Variants in USP5 observed in about 807,000 individuals in gnomAD.
USP5 encodes ubiquitin carboxyl-terminal hydrolase 5.
A neutral mutation model predicts 102.5 loss-of-function variants in USP5; 24 were observed. The ratio of observed to expected loss-of-function variants is 0.23; its 90% CI spans 0.17 to 0.33. The LOEUF (loss-of-function observed/expected upper bound fraction) is 0.33, where lower values mean the gene tolerates loss of function less well. USP5 is among the 10% of genes least tolerant of loss of function. The pLI, the probability that USP5 is intolerant of heterozygous loss-of-function variation, is 1.00. For missense variants in USP5, 753 were observed against 1,122.1 expected (o/e 0.67, Z 4.70); for synonymous variants, 460 against 434.8 (o/e 1.06, Z -0.72).
At chr12:6,857,355 C>T (rs1006693857) in intron 6 of USP5, 6 of 420,736 alleles carry the variant, frequency 1.4e-5, no homozygotes, top group Non-Finnish European at 2.1e-5. Context: ...ATCCTCATCC[C>T]TTTCCTACCA....
rs370315542 is a variant in USP5 at position 6,864,839 on chromosome 12, G to C, written c.2362G>C (p.Val788Leu). The change falls in exon 18 of 20, where the codon GTG (valine) becomes CTG (leucine). Residue 788 changes from valine to leucine, a missense_variant. Val to Leu is a conservative substitution (Grantham distance 32, BLOSUM62 1). Transcript: ENST00000229268. This position sits in a 1 kb window ranked among gnomAD's most constrained non-coding sequence, Gnocchi z 4.8. ...RSAADSISES[V>L]PVGPKVRDGP... ...AGCTGCCGACTCCATCTCTGAGTCT[G>C]TGCCAGTGGGACCTAAAGTCCGGGA... 25 of 1,613,818 alleles carry C rather than the reference G, an allele frequency of 1.5e-5. No homozygotes were observed. The African/African-American group carries it at 3.1e-4, about 20-fold the overall frequency.
rs1944384586 is a variant in USP5, at chr12:6,864,799, C to G, written c.2322C>G (p.Ile774Met). Residue 774 changes from isoleucine to methionine, a missense_variant, in exon 18 of 20, where the codon ATC (isoleucine) becomes ATG (methionine). Around this residue, in one of 3 missense-constraint regions of USP5, gnomAD observed 193 missense variants for 230.2 expected, o/e 0.84. Transcript: ENST00000229268. The surrounding 1 kb of genome is among the most constrained non-coding windows in gnomAD (Gnocchi z 4.8). ...TGGATGCTGAAGCTGCCATGGACAT[C>G]TCAGAGGGCCGCTCAGCTGCCGACT... ...DDLDAEAAMD[I>M]SEGRSAADSI... 6.2e-7 allele frequency: 1 copy of G among 1,613,958 alleles called. No homozygotes were observed. Among genetic ancestry groups the G allele is most frequent in the Non-Finnish European group, 8.5e-7 (1 of 1,180,032 alleles).
chr12:6,865,059 C>G (rs1359815715), intron 18 of USP5, 105 bp from the exon 19 acceptor site: 1 of 1,294,952 alleles, frequency 7.7e-7, no homozygotes, highest in African/African-American at 1.5e-5. Flanking sequence ...GCCTCACATT[C>G]CCTGAAACTC....
chr12:6,861,181 G>T lies in USP5; in HGVS notation c.1498+75G>T. Reference sequence around the variant, plus strand: ...AGGAGGAATGCTTGGGCACCTCATGGGAGCACAGCCCAGGGAATGCCCTGC... The same window carrying T: ...AGGAGGAATGCTTGGGCACCTCATGTGAGCACAGCCCAGGGAATGCCCTGC... On this transcript the variant is annotated intron_variant, in intron 12 of 19. Coordinates refer to ENST00000229268, the MANE Select transcript of USP5 (RefSeq NM_001098536.2). This position sits in a 1 kb window ranked among gnomAD's most constrained non-coding sequence, Gnocchi z 4.9. 6.3e-7 allele frequency: 1 copy of T among 1,583,000 alleles called. No homozygotes were observed.
chr12:6,862,531 G>A lies in USP5; in HGVS notation c.1735G>A (p.Gly579Ser), dbSNP rs1555129796. Residue 579 changes from glycine to serine, a missense_variant, in exon 14 of 20, where the codon GGC becomes AGC. By Grantham distance (56) the Gly-to-Ser change is moderately conservative. Transcript: ENST00000229268. ...CATCCAGATCAAGAAGTTCACCTTC[G>A]GCTTAGACTGGGTGCCCAAGAAACT... Reference protein sequence around the residue: ...LVIQIKKFTFGLDWVPKKLDV... With the variant: ...LVIQIKKFTFSLDWVPKKLDV... The A allele has an allele frequency of 1.2e-6, 2 of 1,614,110 alleles. No individual in the cohort carries two copies. Among genetic ancestry groups the A allele is most frequent in the Non-Finnish European group, 8.5e-7 (1 of 1,180,006 alleles).
At position 6,863,109 on chromosome 12, in the gene USP5, G is replaced by A. The variant is rs909594661; in HGVS notation, c.1763-77G>A. 2 of 1,437,934 alleles carry A rather than the reference G, an allele frequency of 1.4e-6. No homozygotes were observed. Among genetic ancestry groups the A allele is most frequent in the East Asian group, 2.3e-5 (1 of 42,952 alleles). The allele number at this position is 1,437,934 out of a possible 1,614,324, so 89.1% of individuals were successfully genotyped here. On this transcript the variant is annotated intron_variant, in intron 14 of 19. Coordinates refer to ENST00000229268, the MANE Select transcript of USP5 (RefSeq NM_001098536.2). The surrounding 1 kb of genome is among the most constrained non-coding windows in gnomAD (Gnocchi z 4.7). ...TCTTTACAGAGCAGTTCTGACATAG[G>A]GGGCAGGGGATTGAGGTTCCCGAAT...
At chr12:6,857,333 C>G (rs1391279417) in intron 6 of USP5, 1 of 378,008 alleles carries the variant, frequency 2.6e-6, no homozygotes, top group East Asian at 4.7e-5. Flanking sequence ...TTTTTGATTA[C>G]TCCCCACTCA....
chr12:6,855,022 T>TA lies in USP5; in HGVS notation c.112-378dup, dbSNP rs1555127810. On this transcript the variant is annotated intron_variant, in intron 1 of 19. Transcript: ENST00000229268. This position sits in a 1 kb window ranked among gnomAD's most constrained non-coding sequence, Gnocchi z 4.6. ...AAGTCCACAGTATTTGATCCCCATTTACTTTCTGGATCTGTTAGCCCCAGG... is the reference window on the plus strand; with the variant it reads ...AAGTCCACAGTATTTGATCCCCATTTAACTTTCTGGATCTGTTAGCCCCAGG... Among the ~76,000 whole-genome samples, 1 of 152,136 alleles carries TA rather than the reference T, an allele frequency of 6.6e-6. No individual in the cohort carries two copies. The highest frequency in any genetic ancestry group is 2.4e-5 in the African/African-American group (1 of 41,424).
At chr12:6,853,246 C>A (rs1414768145) in intron 1 of USP5, among the ~76,000 whole-genome samples, 1 of 152,222 alleles carries the variant, frequency 6.6e-6, no homozygotes, top group East Asian at 1.9e-4. Context: ...TCTGCCAGAA[C>A]CAGCTCATGG....
At position 6,855,572 on chromosome 12, in the gene USP5, T is replaced by C. The variant is rs1944085127; in HGVS notation, c.237+46T>C. ...AGGCCTGGGTACATTGTCTGTTCCA[T>C]TCTGACCTCCTATTGGACTCAGTTT... On this transcript the variant is annotated intron_variant, in intron 2 of 19. Transcript: ENST00000229268. The surrounding 1 kb of genome is among the most constrained non-coding windows in gnomAD (Gnocchi z 4.6). The C allele has an allele frequency of 6.2e-7, 1 of 1,606,702 alleles. No individual in the cohort carries two copies. Among genetic ancestry groups the C allele is most frequent in the African/African-American group, 1.3e-5 (1 of 74,486 alleles).
Position 6,863,038 on chromosome 12 carries a change from C to T in USP5, c.1763-148C>T. On this transcript the variant is annotated intron_variant, in intron 14 of 19. Coordinates refer to ENST00000229268, the MANE Select transcript of USP5 (RefSeq NM_001098536.2). This position sits in a 1 kb window ranked among gnomAD's most constrained non-coding sequence, Gnocchi z 4.7. ...AACTCCCAGGCTTAGTATTATTTGT[C>T]TTATACTGGGACCCCTAAGATGGGT... 1.4e-6 allele frequency: 1 copy of T among 725,094 alleles called. No individual in the cohort carries two copies. The highest frequency in any genetic ancestry group is 2.2e-6 in the Non-Finnish European group (1 of 458,352). 44.9% of individuals were successfully genotyped at this position (725,094 alleles called of 1,614,324 possible). A position where few individuals can be genotyped will look rare whatever the true frequency, so the allele number is the denominator to read the frequency against.
At chr12:6,859,951 G>A (rs181300669) in intron 9 of USP5, among the ~76,000 whole-genome samples, 200 bp from the exon 10 acceptor site, 4 of 152,254 alleles carry the variant, frequency 2.6e-5, no homozygotes, top group East Asian at 1.9e-4. Context: ...CACCGTGCAC[G>A]GCCACCACTG....
In USP5 at chr12:6,866,468, T is replaced by C; in HGVS notation, c.*391T>C. Reference sequence around the variant, plus strand: ...GTGGAGCGATCACCTGTGCCTCCCCTCCCCCTTTGTTTGCCCCTGTGTGGT... The same window carrying C: ...GTGGAGCGATCACCTGTGCCTCCCCCCCCCCTTTGTTTGCCCCTGTGTGGT... On this transcript the variant is annotated 3_prime_UTR_variant, in exon 20 of 20. Coordinates refer to ENST00000229268, the MANE Select transcript of USP5 (RefSeq NM_001098536.2). This position sits in a 1 kb window ranked among gnomAD's most constrained non-coding sequence, Gnocchi z 4.7. 1 of 189,984 alleles carries C rather than the reference T, an allele frequency of 5.3e-6. No homozygotes were observed. The highest frequency in any genetic ancestry group is 1.1e-5 in the Non-Finnish European group (1 of 90,190). The allele number at this position is 189,984 out of a possible 1,614,324, so 11.8% of individuals were successfully genotyped here.
chr12:6,865,874 A>G (rs1010897295), intron 19 of USP5, 110 bp from the exon 20 acceptor site: 2 of 916,480 alleles, frequency 2.2e-6, no homozygotes, highest in Non-Finnish European at 3.5e-6. Flanking sequence ...GATTTGGGGT[A>G]TGGGCAGAGA....
intron 9 of USP5, among the ~76,000 whole-genome samples, chr12:6,859,893 G>A (rs782087021): frequency 1.6e-4 from 24 of 152,252 alleles, no homozygotes; most frequent in Admixed American, 1.6e-3. Context: ...CTGACCTCGT[G>A]GTCTGCCCAC....
rs375025639 is a variant in USP5 at position 6,861,413 on chromosome 12, G to A, written c.1499-30G>A. The stretch of plus-strand genomic sequence containing the variant: ...AGGAGGCAAAGAAGCAGCACCCTCC[G>A]AAGGATCCACCAACCCATTCTGTCA... On this transcript the variant is annotated intron_variant, in intron 12 of 19. Coordinates refer to ENST00000229268, the MANE Select transcript of USP5 (RefSeq NM_001098536.2). This position sits in a 1 kb window ranked among gnomAD's most constrained non-coding sequence, Gnocchi z 4.9. 3.3e-5 allele frequency: 51 copies of A among 1,539,998 alleles called. No individual in the cohort carries two copies. The highest frequency in any genetic ancestry group is 3.4e-5 in the Non-Finnish European group (39 of 1,137,802).
In USP5 at chr12:6,861,462, G is replaced by C. The variant is rs782256062; in HGVS notation, c.1518G>C (p.Glu506Asp). Residue 506 changes from glutamate to aspartate, a missense_variant, in exon 13 of 20, where the codon GAG becomes GAC. Transcript: ENST00000229268. This position sits in a 1 kb window ranked among gnomAD's most constrained non-coding sequence, Gnocchi z 4.9. The part of the protein sequence containing the change: ...ALNKEELLEY[E>D]EKKRQAEEEK... Reference sequence around the variant, plus strand: ...CACCAGAGGAGCTTCTGGAGTACGAGGAGAAGAAGCGGCAAGCCGAAGAGG... The same window carrying C: ...CACCAGAGGAGCTTCTGGAGTACGACGAGAAGAAGCGGCAAGCCGAAGAGG... 2 of 1,580,888 alleles carry C rather than the reference G, an allele frequency of 1.3e-6. No homozygotes were observed. Among genetic ancestry groups the C allele is most frequent in the Non-Finnish European group, 1.7e-6 (2 of 1,156,742 alleles).
At position 6,864,652 on chromosome 12, in the gene USP5, G is replaced by C; in HGVS notation, c.2245-70G>C. On this transcript the variant is annotated intron_variant, in intron 17 of 19. Coordinates refer to ENST00000229268, the MANE Select transcript of USP5 (RefSeq NM_001098536.2). The surrounding 1 kb of genome is among the most constrained non-coding windows in gnomAD (Gnocchi z 4.8). ...TGCAGTGAGCCGAGATCGCGCCACT[G>C]CACTCCAGCCTGGGCGACAGAGCAA... 1 of 1,528,854 alleles carries C rather than the reference G, an allele frequency of 6.5e-7. No individual in the cohort carries two copies. 94.7% of individuals were successfully genotyped at this position (1,528,854 alleles called of 1,614,324 possible).
rs1555128812 is a variant in USP5, at chr12:6,858,421, C to T, written c.865-3C>T. 1.9e-6 allele frequency: 3 copies of T among 1,597,242 alleles called. No individual in the cohort carries two copies. The highest frequency in any genetic ancestry group is 2.6e-6 in the Non-Finnish European group (3 of 1,165,556). ...TCAGTCTGAAGTGCCCCTTCTCACA[C>T]AGACAGACAAGACGATGACTGAGTT... On this transcript the variant is annotated splice_region_variant and splice_polypyrimidine_tract_variant and intron_variant, in intron 7 of 19. Transcript: ENST00000229268. The surrounding 1 kb of genome is among the most constrained non-coding windows in gnomAD (Gnocchi z 4.2).
Sources: gnomAD v4.1 joint callset for allele counts (sites outside exome capture counted in the v4.1 genomes callset) on GRCh38, gnomAD v4.1.1 for gene constraint, gnomAD v4.1.1 regional missense constraint, Gnocchi (gnomAD v3.1) non-coding constraint, MANE v1.5 for transcripts, NCBI Gene and HGNC (gene_info 2026-07-23, HGNC 2026-07-21) for gene names.